POLI: variants seen among roughly 807,000 people sequenced by gnomAD.
POLI encodes DNA polymerase iota.
POLI carries 58 observed loss-of-function variants against 51.6 expected under a neutral mutation model. That is an observed-to-expected ratio of 1.12 (90% confidence interval 0.91 to 1.40). The LOEUF (loss-of-function observed/expected upper bound fraction) is 1.40. Among genes scored for constraint, POLI ranks in the 40% most tolerant of loss-of-function variants. POLI has a pLI of 0.00. For missense variants in POLI, 921 were observed against 871.3 expected (o/e 1.06, Z -0.72); for synonymous variants, 322 against 299.7 (o/e 1.07, Z -0.77).
At chr18:54,308,997 G>A (rs1471557554) in intron 3 of POLI, among the ~76,000 whole-genome samples, 2 of 152,192 alleles carry the variant, frequency 1.3e-5, no homozygotes, top group East Asian at 3.9e-4. Flanking sequence ...CTTTTTTCAA[G>A]GTTTTTAGCT....
chr18:54,298,868 G>C (rs537939676), downstream of POLI, among the ~76,000 whole-genome samples: 1 of 152,130 alleles, frequency 6.6e-6, no homozygotes, highest in East Asian at 1.9e-4. Flanking sequence ...ATACAGGTGT[G>C]AGTCACCACC....
downstream of POLI, among the ~76,000 whole-genome samples, chr18:54,299,970 G>A (rs987779506): frequency 6.6e-6 from 1 of 151,882 alleles, no homozygotes; most frequent in Middle Eastern, 3.2e-3. Flanking sequence ...GTAAAGAAGT[G>A]GGGGAAAAGT....
chr18:54,296,092 A>G lies in POLI; in HGVS notation c.*1625A>G, dbSNP rs945299789. 3.0e-6 allele frequency: 3 copies of G among 984,386 alleles called. No homozygotes were observed. The highest frequency in any genetic ancestry group is 1.1e-4 in the East Asian group (1 of 8,824). The allele number at this position is 984,386 out of a possible 1,614,324, so 61.0% of individuals were successfully genotyped here. On this transcript the variant is annotated 3_prime_UTR_variant, in exon 10 of 10. Coordinates refer to ENST00000579534, the MANE Select transcript of POLI (RefSeq NM_007195.3). ...TATTTAGTACTCTGAATCAAGGAAC[A>G]TAGTATTTTTTACATGAGTATTCCA...
chr18:54,298,586 A>ATTTTT (rs1320558799), downstream of POLI, among the ~76,000 whole-genome samples: 7 of 120,792 alleles, frequency 5.8e-5, no homozygotes, highest in Admixed American at 8.0e-5. Flanking sequence ...ATACTACAGA[A>ATTTTT]TCTTTTTTTT....
At chr18:54,277,624 AT>A in intron 3 of POLI, 78 bp from the exon 4 acceptor site, 1 of 839,324 alleles carries the variant, frequency 1.2e-6, no homozygotes, top group East Asian at 2.7e-5. Context: ...AATTTGATAA[AT>A]TTTTAAGCAC....
At chr18:54,275,873 T>G (rs2087218635) in intron 3 of POLI, among the ~76,000 whole-genome samples, 1 of 152,218 alleles carries the variant, frequency 6.6e-6, no homozygotes, top group South Asian at 2.1e-4. Context: ...TGAGTTGAAG[T>G]AGGCGCGTAG....
chr18:54,282,321 A>G (rs761002761), intron 5 of POLI, among the ~76,000 whole-genome samples: 1 of 152,082 alleles, frequency 6.6e-6, no homozygotes, highest in Admixed American at 6.6e-5. Flanking sequence ...TTTTGTGAGG[A>G]CTTCAAAGAG....
intron 2 of POLI, chr18:54,272,024 CTTGTT>C (rs2087028377): frequency 6.6e-6 from 1 of 152,074 alleles, no homozygotes; most frequent in African/African-American, 2.4e-5. Context: ...GATATGCTAG[CTTGTT>C]TTATCATTTT....
At chr18:54,282,338 A>G (rs150619232) in intron 5 of POLI, among the ~76,000 whole-genome samples, 1 of 152,270 alleles carries the variant, frequency 6.6e-6, no homozygotes, top group East Asian at 1.9e-4. Flanking sequence ...AGAGGTGCAT[A>G]TAATTCAGGA....
Position 54,272,502 on chromosome 18 carries a change from C to T in POLI, c.241+1017C>T, listed in dbSNP as rs149519235. Among the ~76,000 whole-genome samples the T allele has an allele frequency of 6.8e-4, 104 of 152,202 alleles. 4 individuals carry two copies. In the East Asian group the frequency reaches 0.018, roughly 26 times the overall value. Reference sequence around the variant, plus strand: ...TGTTGTTGTTGTTGAGAAGGGGTCTCACTCTGTAGCCCAAGCTGCAGTGCA... The same window carrying T: ...TGTTGTTGTTGTTGAGAAGGGGTCTTACTCTGTAGCCCAAGCTGCAGTGCA... On this transcript the variant is annotated intron_variant, in intron 2 of 9. Transcript: ENST00000579534.
At chr18:54,288,872 T>A (rs1194317514) in intron 8 of POLI, among the ~76,000 whole-genome samples, 1 of 152,180 alleles carries the variant, frequency 6.6e-6, no homozygotes, top group Non-Finnish European at 1.5e-5. Flanking sequence ...TTTAATTCTT[T>A]AAACATGGTT....
intron 7 of POLI, among the ~76,000 whole-genome samples, chr18:54,286,523 T>TA (rs199567825): frequency 1.3e-3 from 204 of 151,708 alleles, no homozygotes; most frequent in Non-Finnish European, 2.2e-3. Flanking sequence ...TGTCATTTTG[T>TA]AAAAAAAAAT....
At chr18:54,291,604 TGA>T (rs1213565057) in intron 8 of POLI, 11 of 282,532 alleles carry the variant, frequency 3.9e-5, no homozygotes, top group Non-Finnish European at 5.9e-5. Context: ...AGTAGCTTTT[TGA>T]GAGAGGATTT....
rs955070025 is a variant in POLI, at chr18:54,273,041, A to G, written c.242-885A>G. ...TAACCTTTTTTTTCTACATGTTTGTATTTTACATATTTTAGGTGAACATTA... is the reference window on the plus strand; with the variant it reads ...TAACCTTTTTTTTCTACATGTTTGTGTTTTACATATTTTAGGTGAACATTA... On this transcript the variant is annotated intron_variant, in intron 2 of 9. Coordinates refer to ENST00000579534, the MANE Select transcript of POLI (RefSeq NM_007195.3). 1.8e-4 allele frequency among the ~76,000 whole-genome samples: 27 copies of G among 152,020 alleles called. 1 individual carries two copies. The highest frequency in any genetic ancestry group is 4.4e-5 in the Non-Finnish European group (3 of 67,972).
At chr18:54,282,106 G>T (rs940234218) in intron 5 of POLI, among the ~76,000 whole-genome samples, 1 of 152,096 alleles carries the variant, frequency 6.6e-6, no homozygotes, top group South Asian at 2.1e-4. Context: ...ATGGATAAAT[G>T]TGTGGTGGTG....
intron 3 of POLI, among the ~76,000 whole-genome samples, chr18:54,316,121 C>T (rs1251538726): frequency 6.6e-6 from 1 of 152,026 alleles, no homozygotes; most frequent in Admixed American, 6.6e-5. Context: ...CACTGTGTTG[C>T]CCAGACTGGT....
chr18:54,313,370 C>T (rs550543767), intron 3 of POLI, among the ~76,000 whole-genome samples: 1 of 152,026 alleles, frequency 6.6e-6, no homozygotes, highest in East Asian at 1.9e-4. Context: ...ATACATTATA[C>T]TTCGAAGTCA....
chr18:54,298,918 A>T (rs538447497), downstream of POLI, among the ~76,000 whole-genome samples: 18 of 152,052 alleles, frequency 1.2e-4, no homozygotes, highest in Non-Finnish European at 2.2e-4. Flanking sequence ...AAGTTTTGAG[A>T]TGTATTATGG....
chr18:54,303,778 T>A (rs1057376926), intron 3 of POLI, among the ~76,000 whole-genome samples: 1 of 151,948 alleles, frequency 6.6e-6, no homozygotes, highest in African/African-American at 2.4e-5. Flanking sequence ...TTTTTTTAAT[T>A]ATACTTTAAG....
Sources: allele counts gnomAD v4.1 joint callset (sites outside exome capture counted in the v4.1 genomes callset), GRCh38; gene constraint gnomAD v4.1.1; transcripts MANE v1.5; gene names NCBI Gene and HGNC (gene_info 2026-07-23, HGNC 2026-07-21).